The following PCDHGA4 variants were observed in gnomAD, a reference collection of about 807,000 sequenced individuals.
PCDHGA4 encodes the protein protocadherin gamma subfamily A, 4.
PCDHGA4 carries 38 observed loss-of-function variants against 54.6 expected under a neutral mutation model. That is an observed-to-expected ratio of 0.70 (90% CI 0.54 to 0.91). PCDHGA4 has a LOEUF of 0.91. Among genes scored for constraint, PCDHGA4 ranks in the 40% least tolerant of loss-of-function variants. The pLI, the probability that PCDHGA4 is intolerant of heterozygous loss-of-function variation, is 0.00. For synonymous variants in PCDHGA4, 511 were observed against 512.9 expected (o/e 1.00, Z 0.05); for missense variants, 1,298 against 1,220.9 (o/e 1.06, Z -0.94).
rs2096370584 is a variant in PCDHGA4 at position 141,419,372 on chromosome 5, G to A, written c.2514+61751G>A. On this transcript the variant is annotated intron_variant, in intron 1 of 3. Coordinates refer to ENST00000571252, the MANE Select transcript of PCDHGA4 (RefSeq NM_018917.4). The stretch of plus-strand genomic sequence containing the variant: ...GGAGTCACGAACGCTGTCGTCCTAC[G>A]TGTCCGTGAGCGCGCAGAGCGGGGT... 2 of 1,613,728 alleles carry A rather than the reference G, an allele frequency of 1.2e-6. No homozygotes were observed. Among genetic ancestry groups the A allele is most frequent in the South Asian group, 1.1e-5 (1 of 91,088 alleles).
intron 1 of PCDHGA4, chr5:141,371,148 G>T (rs759466044): frequency 9.9e-6 from 16 of 1,613,892 alleles, no homozygotes; most frequent in South Asian, 4.4e-5. Context: ...GGTCAATGTT[G>T]CAGAGAACCT....
At chr5:141,383,538 A>G in intron 1 of PCDHGA4, 1 of 1,612,704 alleles carries the variant, frequency 6.2e-7, no homozygotes, top group African/African-American at 1.3e-5. Context: ...TGGTCCTCAC[A>G]GCCTCTGATG....
chr5:141,469,747 C>T (rs1392088794), intron 1 of PCDHGA4, among the ~76,000 whole-genome samples: 1 of 152,134 alleles, frequency 6.6e-6, no homozygotes, highest in Non-Finnish European at 1.5e-5. Context: ...TCAAAAATTA[C>T]AAAAATACAT....
chr5:141,452,652 C>T (rs1420422511), intron 1 of PCDHGA4, among the ~76,000 whole-genome samples: 1 of 151,916 alleles, frequency 6.6e-6, no homozygotes. Flanking sequence ...TCATTTGCTC[C>T]ATCCACTGCA....
In PCDHGA4 at chr5:141,404,831, C is replaced by T. The variant is rs760971907; in HGVS notation, c.2514+47210C>T. 12 of 1,613,738 alleles carry T rather than the reference C, an allele frequency of 7.4e-6. No homozygotes were observed. The highest frequency in any genetic ancestry group is 3.3e-5 in the Admixed American group (2 of 59,978). On this transcript the variant is annotated intron_variant, in intron 1 of 3. Transcript: ENST00000571252. ...GGTGGGGCTGCACACAGGTGAAGTGCGCACAGCTCGGGCCCTGCTAGATAG... is the reference window on the plus strand; with the variant it reads ...GGTGGGGCTGCACACAGGTGAAGTGTGCACAGCTCGGGCCCTGCTAGATAG...
At chr5:141,420,483 T>C in intron 1 of PCDHGA4, 2 of 581,364 alleles carry the variant, frequency 3.4e-6, no homozygotes, top group Non-Finnish European at 5.2e-6. Context: ...GCAAACTACA[T>C]GGGTAATCTC....
intron 1 of PCDHGA4, chr5:141,362,465 C>G: frequency 1.2e-6 from 2 of 1,614,054 alleles, no homozygotes; most frequent in Non-Finnish European, 1.7e-6. Context: ...TTGGTTCCCG[C>G]GCAAGATCTC....
chr5:141,422,541 T>C (rs1389095817), intron 1 of PCDHGA4: 1 of 1,613,992 alleles, frequency 6.2e-7, no homozygotes. Context: ...CAGAAACTCA[T>C]GTCTGGCTGA....
At chr5:141,360,528 G>A (rs1473510639) in intron 1 of PCDHGA4, 7 of 1,613,850 alleles carry the variant, frequency 4.3e-6, no homozygotes, top group Admixed American at 1.7e-5. Flanking sequence ...ATAATACCCC[G>A]CTATTCAAAC....
chr5:141,469,005 G>A (rs1011079995), intron 1 of PCDHGA4, among the ~76,000 whole-genome samples: 7 of 151,814 alleles, frequency 4.6e-5, no homozygotes, highest in South Asian at 2.1e-4. Context: ...TGCTGGGTGC[G>A]GTGGGTCACT....
intron 1 of PCDHGA4, among the ~76,000 whole-genome samples, chr5:141,445,851 A>G (rs957077325): frequency 2.0e-5 from 3 of 152,210 alleles, no homozygotes; most frequent in African/African-American, 7.2e-5. Context: ...CACACTTAAA[A>G]TTCTGGATTT....
At chr5:141,471,309 C>T (rs140651182) in intron 1 of PCDHGA4, 8,212 of 152,202 alleles carry the variant, frequency 0.054, 462 homozygotes, top group African/African-American at 0.15. Flanking sequence ...ACTCGGCCTC[C>T]CAAAGTGCTG....
At chr5:141,428,275 G>C in intron 1 of PCDHGA4, 1 of 767,218 alleles carries the variant, frequency 1.3e-6, no homozygotes, top group Non-Finnish European at 2.2e-6. Context: ...TGTGCCCTCT[G>C]ATTCCCAAGC....
Position 141,399,843 on chromosome 5 carries a change from T to C in PCDHGA4, c.2514+42222T>C, listed in dbSNP as rs1452069886. ...GTCCCGACGGCTCTGCGCTCTTCGATATGGTGCCGCGCGCTGCAGAGCCCG... is the reference window on the plus strand; with the variant it reads ...GTCCCGACGGCTCTGCGCTCTTCGACATGGTGCCGCGCGCTGCAGAGCCCG... On this transcript the variant is annotated intron_variant, in intron 1 of 3. Coordinates refer to ENST00000571252, the MANE Select transcript of PCDHGA4 (RefSeq NM_018917.4). 2.5e-6 allele frequency: 4 copies of C among 1,612,848 alleles called. No homozygotes were observed. The African/African-American group carries it at 5.3e-5, about 22-fold the overall frequency.
Position 141,504,710 on chromosome 5 carries a change from G to A in PCDHGA4, c.2574-683G>A, listed in dbSNP as rs528205869. The stretch of plus-strand genomic sequence containing the variant: ...AGGAGGGGCAGGTTCTTCTATGGCC[G>A]TGGATTTTACTCTGAGGGCTTAGGA... On this transcript the variant is annotated intron_variant, in intron 2 of 3. Transcript: ENST00000571252. Among the ~76,000 whole-genome samples the A allele has an allele frequency of 1.4e-4, 21 of 151,968 alleles. No homozygotes were observed. The East Asian group carries it at 3.7e-3, about 27-fold the overall frequency.
chr5:141,448,814 G>A (rs967588194), intron 1 of PCDHGA4, among the ~76,000 whole-genome samples: 14 of 152,122 alleles, frequency 9.2e-5, no homozygotes, highest in Non-Finnish European at 1.8e-4. Flanking sequence ...GCGTGATGGC[G>A]GGCGCCTGTA....
intron 1 of PCDHGA4, chr5:141,412,660 T>C (rs1337663720): frequency 6.6e-6 from 1 of 152,262 alleles, no homozygotes; most frequent in African/African-American, 2.4e-5. Flanking sequence ...ACCTAGACAC[T>C]AATATGACCT....
At chr5:141,483,240 T>C (rs2099578643) in intron 1 of PCDHGA4, among the ~76,000 whole-genome samples, 2 of 151,742 alleles carry the variant, frequency 1.3e-5, no homozygotes, top group Non-Finnish European at 1.5e-5. Flanking sequence ...TGAACTGATA[T>C]GCATATATCA....
chr5:141,472,337 C>T (rs1327386198), intron 1 of PCDHGA4, among the ~76,000 whole-genome samples: 1 of 151,764 alleles, frequency 6.6e-6, no homozygotes, highest in Non-Finnish European at 1.5e-5. Context: ...GTTGGGAGAT[C>T]GAGACCATCC....
Sources: gnomAD v4.1 joint callset for allele counts (sites outside exome capture counted in the v4.1 genomes callset) on GRCh38, gnomAD v4.1.1 for gene constraint, MANE v1.5 for transcripts, NCBI Gene and HGNC (gene_info 2026-07-23, HGNC 2026-07-21) for gene names.